Variants in ZNF345 observed in about 807,000 individuals in gnomAD.
ZNF345 encodes zinc finger protein 345, also known as zinc finger protein HZF10.
For missense variants in ZNF345, 527 were observed against 589.9 expected (o/e 0.89, Z 1.10); for synonymous variants, 166 against 187.9 (o/e 0.88, Z 0.95).
intron 2 of ZNF345, among the ~76,000 whole-genome samples, chr19:36,855,620 T>C (rs759144572): frequency 6.6e-5 from 10 of 151,960 alleles, no homozygotes; most frequent in Non-Finnish European, 1.3e-4. Flanking sequence ...GCCTGGCTAA[T>C]TTTGTATTTT....
intron 3 of ZNF345, chr19:36,892,186 T>G: frequency 6.2e-7 from 1 of 1,614,202 alleles, no homozygotes; most frequent in Non-Finnish European, 8.5e-7. Flanking sequence ...AATCCTCTGA[T>G]GTCGAGTAAC....
Position 36,892,198 on chromosome 19 carries a change from A to G in ZNF345, c.47-620A>G, listed in dbSNP as rs200561106. 9.2e-5 allele frequency: 149 copies of G among 1,614,006 alleles called. No individual in the cohort carries two copies. The highest frequency in any genetic ancestry group is 1.2e-4 in the Non-Finnish European group (143 of 1,180,026). On this transcript the variant is annotated intron_variant, in intron 3 of 3. Coordinates refer to the ZNF345 transcript ENST00000526123. Reference sequence around the variant, plus strand: ...GTGAATCCTCTGATGTCGAGTAACGAGTGAGCCACGACTAAAGGACTTCCC... The same window carrying G: ...GTGAATCCTCTGATGTCGAGTAACGGGTGAGCCACGACTAAAGGACTTCCC...
rs947293524 is a variant in ZNF345, at chr19:36,879,247, T to C, written c.*950T>C. 6 of 167,114 alleles carry C rather than the reference T, an allele frequency of 3.6e-5. No individual in the cohort carries two copies. The highest frequency in any genetic ancestry group is 8.8e-5 in the Non-Finnish European group (6 of 68,128). 10.4% of individuals were successfully genotyped at this position (167,114 alleles called of 1,614,324 possible). ...TACCTGTACCTTTTGTTTTAGAAGA[T>C]TGTTTACTTTCCTTTTATAAAATTA... is the stretch of plus-strand genomic sequence containing the variant. On this transcript the variant is annotated 3_prime_UTR_variant, in exon 3 of 3. Coordinates refer to ENST00000420450, the MANE Select transcript of ZNF345 (RefSeq NM_001242472.2).
chr19:36,858,450 T>A (rs974739336), intron 2 of ZNF345: 2 of 152,060 alleles, frequency 1.3e-5, no homozygotes, highest in Admixed American at 1.3e-4. Flanking sequence ...CGGAGTGGGT[T>A]CAAACTTTGG....
downstream of ZNF345, chr19:36,893,052 T>C: frequency 2.5e-6 from 1 of 399,630 alleles, no homozygotes; most frequent in Non-Finnish European, 4.4e-6. Context: ...TGATACTGTA[T>C]GTTTTGCAAT....
intron 2 of ZNF345, 36 bp from the exon 3 acceptor site, chr19:36,876,749 A>G (rs2072888505): frequency 9.3e-6 from 13 of 1,405,128 alleles, no homozygotes; most frequent in Non-Finnish European, 1.2e-5. Flanking sequence ...CCCAGAACAC[A>G]AAAAAGTGAA....
downstream of ZNF345, among the ~76,000 whole-genome samples, chr19:36,881,747 C>T (rs1286199162): frequency 6.6e-6 from 1 of 152,074 alleles, no homozygotes; most frequent in Non-Finnish European, 1.5e-5. Context: ...TAAAATACAT[C>T]ACTTTAAATA....
chr19:36,862,890 A>T (rs1375092211), intron 2 of ZNF345: 2 of 152,092 alleles, frequency 1.3e-5, no homozygotes, highest in Non-Finnish European at 2.9e-5. Context: ...GTGAGTACTC[A>T]TTCGACCTGA....
chr19:36,885,832 C>T (rs541529155), intron 3 of ZNF345, among the ~76,000 whole-genome samples: 3 of 152,152 alleles, frequency 2.0e-5, no homozygotes, highest in Admixed American at 6.6e-5. Context: ...AATACTGCTA[C>T]GGATATCCAA....
At chr19:36,855,253 C>T (rs1290088465) in intron 2 of ZNF345, among the ~76,000 whole-genome samples, 2 of 151,888 alleles carry the variant, frequency 1.3e-5, no homozygotes, top group African/African-American at 4.8e-5. Flanking sequence ...CGCCATTCTC[C>T]TGCCTCAGCC....
Position 36,877,750 on chromosome 19 carries a change from T to C in ZNF345, c.920T>C (p.Ile307Thr). The C allele has an allele frequency of 6.2e-7, 1 of 1,614,070 alleles. No homozygotes were observed. The highest frequency in any genetic ancestry group is 8.5e-7 in the Non-Finnish European group (1 of 1,180,000). Residue 307 changes from isoleucine to threonine, a missense_variant, in exon 3 of 3, where the codon ATT becomes ACT. Transcript: ENST00000420450. ...SGSDLTQHQRIHTGEKPYECK... is the reference protein window; with the variant it reads ...SGSDLTQHQRTHTGEKPYECK... The stretch of plus-strand genomic sequence containing the variant: ...TCAGATCTCACTCAGCATCAGAGAA[T>C]TCACACTGGTGAGAAACCCTATGAG...
intron 2 of ZNF345, among the ~76,000 whole-genome samples, chr19:36,873,373 T>C (rs986158585): frequency 2.6e-5 from 4 of 152,176 alleles, no homozygotes; most frequent in Non-Finnish European, 5.9e-5. Flanking sequence ...TCTGTTGTTT[T>C]TGTATATATT....
intron 2 of ZNF345, among the ~76,000 whole-genome samples, chr19:36,874,490 A>AT: frequency 7.0e-6 from 1 of 143,622 alleles, no homozygotes; most frequent in East Asian, 2.1e-4. Flanking sequence ...GTGAAACTCC[A>AT]CTAAAAAAAA....
downstream of ZNF345, among the ~76,000 whole-genome samples, chr19:36,882,943 G>A (rs1449005520): frequency 1.3e-5 from 2 of 152,096 alleles, no homozygotes; most frequent in Non-Finnish European, 2.9e-5. Flanking sequence ...AAAACGCCCA[G>A]CTATATTGTT....
chr19:36,884,805 C>A (rs1449868550), intron 3 of ZNF345, among the ~76,000 whole-genome samples: 2 of 152,272 alleles, frequency 1.3e-5, no homozygotes, highest in African/African-American at 4.8e-5. Flanking sequence ...TAGAGTACCC[C>A]CAGTGGGCCT....
exon 4 of ZNF345, chr19:36,892,879 C>T: frequency 8.6e-7 from 1 of 1,156,258 alleles, no homozygotes; most frequent in Non-Finnish European, 1.1e-6. Context: ...GCTTGTGGAG[C>T]TCCGACTGCA....
chr19:36,850,780 C>G (rs928727823), upstream of ZNF345: 2 of 152,242 alleles, frequency 1.3e-5, no homozygotes, highest in Admixed American at 1.3e-4. Flanking sequence ...GGCAACCTGT[C>G]GCTTTCTGGA....
At position 36,892,221 on chromosome 19, in the gene ZNF345, C is replaced by G. The variant is rs915619581; in HGVS notation, c.47-597C>G. On this transcript the variant is annotated intron_variant, in intron 3 of 3. Coordinates refer to the ZNF345 transcript ENST00000526123. ...CGAGTGAGCCACGACTAAAGGACTT[C>G]CCATACTCCTTAGATTCATAGTGTT... 6 of 1,613,966 alleles carry G rather than the reference C, an allele frequency of 3.7e-6. No homozygotes were observed. The African/African-American group carries it at 6.7e-5, about 18-fold the overall frequency.
chr19:36,876,653 A>G, intron 2 of ZNF345, 132 bp from the exon 3 acceptor site: 1 of 474,612 alleles, frequency 2.1e-6, no homozygotes, highest in Admixed American at 3.9e-5. Flanking sequence ...GCCCAGTCAT[A>G]TGTGAGAACT....
Sources: allele counts gnomAD v4.1 joint callset (sites outside exome capture counted in the v4.1 genomes callset), GRCh38; gene constraint gnomAD v4.1.1; transcripts MANE v1.5; gene names NCBI Gene and HGNC (gene_info 2026-07-23, HGNC 2026-07-21).